MACROD2: variants seen among roughly 807,000 people sequenced by gnomAD.
The protein encoded by MACROD2 is ADP-ribose glycohydrolase MACROD2.
MACROD2 carries 36 observed loss-of-function variants against 70.4 expected under a neutral mutation model. That is an observed-to-expected ratio of 0.51 (90% CI 0.39 to 0.68). The LOEUF (loss-of-function observed/expected upper bound fraction) is 0.68, where lower values mean the gene tolerates loss of function less well. MACROD2 is among the 30% of genes least tolerant of loss of function. The probability of loss-of-function intolerance (pLI) is 0.00; values close to 1 mark genes in which losing one functional copy is unlikely to be tolerated. For missense variants in MACROD2, 496 were observed against 538.4 expected (o/e 0.92, Z 0.78); for synonymous variants, 172 against 178.8 (o/e 0.96, Z 0.30).
chr20:14,793,181 T>TTG lies in MACROD2; in HGVS notation c.418+108238_418+108239dup, dbSNP rs143506356. Reference sequence around the variant, plus strand: ...ATCTTCTACTCTGTCTTCCCTGTACTTGTGTGTGTGTGTGTGTAAAGTGGG... The same window carrying TTG: ...ATCTTCTACTCTGTCTTCCCTGTACTTGTGTGTGTGTGTGTGTGTAAAGTGGG... On this transcript the variant is annotated intron_variant, in intron 5 of 17. Coordinates refer to ENST00000684519, the MANE Select transcript of MACROD2 (RefSeq NM_001351661.2). 2.2e-3 allele frequency among the ~76,000 whole-genome samples: 335 copies of TTG among 151,042 alleles called. 2 individuals carry two copies. The highest frequency in any genetic ancestry group is 6.2e-3 in the African/African-American group (256 of 41,252).
intron 4 of MACROD2, among the ~76,000 whole-genome samples, chr20:14,634,547 C>A (rs556139234): frequency 8.1e-6 from 1 of 123,812 alleles, no homozygotes; most frequent in Non-Finnish European, 1.6e-5. Flanking sequence ...TCCCTCCCCC[C>A]GCCCAACTGG....
rs904251168 is a variant in MACROD2 at position 16,052,123 on chromosome 20, A to G, written c.*2247A>G. The G allele has an allele frequency of 6.6e-6, 1 of 152,182 alleles. No homozygotes were observed. The highest frequency in any genetic ancestry group is 2.4e-5 in the African/African-American group (1 of 41,436). The allele number at this position is 152,182 out of a possible 1,614,324, so 9.4% of individuals were successfully genotyped here. A position where few individuals can be genotyped will look rare whatever the true frequency, so the allele number is the denominator to read the frequency against. On this transcript the variant is annotated 3_prime_UTR_variant, in exon 18 of 18. Transcript: ENST00000684519. ...TAAATATCTTCAGCCCGACTCCTGA[A>G]TTTGTTTATTCTTCCATCTATAATT... is the stretch of plus-strand genomic sequence containing the variant.
intron 4 of MACROD2, among the ~76,000 whole-genome samples, chr20:14,580,993 A>G (rs560692840): frequency 1.1e-4 from 17 of 152,316 alleles, no homozygotes; most frequent in Middle Eastern, 3.4e-3. Context: ...GTCCACTGTG[A>G]GAATATAAAA....
chr20:14,104,102 C>G (rs2054337043), intron 3 of MACROD2, among the ~76,000 whole-genome samples: 1 of 152,126 alleles, frequency 6.6e-6, no homozygotes, highest in South Asian at 2.1e-4. Context: ...ATTTATATCT[C>G]AAGGTGTAAG....
chr20:14,467,720 T>A (rs1568626050), intron 3 of MACROD2, among the ~76,000 whole-genome samples: 1 of 152,148 alleles, frequency 6.6e-6, no homozygotes. Flanking sequence ...TGATTTTAGA[T>A]CTTTCCAGCA....
At chr20:14,886,396 G>T (rs1220668210) in intron 5 of MACROD2, among the ~76,000 whole-genome samples, 1 of 152,174 alleles carries the variant, frequency 6.6e-6, no homozygotes, top group Middle Eastern at 3.2e-3. Flanking sequence ...AGAAAGTCCT[G>T]TTGGTTGCTG....
chr20:14,903,867 C>T (rs2073927159), intron 5 of MACROD2, among the ~76,000 whole-genome samples: 1 of 152,146 alleles, frequency 6.6e-6, no homozygotes, highest in Non-Finnish European at 1.5e-5. Flanking sequence ...GTTCATCTCA[C>T]TGAAGGGGTT....
chr20:15,021,121 C>CACACAT (rs368283801), intron 5 of MACROD2, among the ~76,000 whole-genome samples: 3 of 102,140 alleles, frequency 2.9e-5, no homozygotes, highest in African/African-American at 1.3e-4. Context: ...TGTGTATACA[C>CACACAT]GTGTGTATAC....
At chr20:14,862,642 AATATATATATATAAAT>A (rs1317612933) in intron 5 of MACROD2, among the ~76,000 whole-genome samples, 133 of 8,132 alleles carry the variant, frequency 0.016, no homozygotes, top group Non-Finnish European at 0.024. Flanking sequence ...TATATATATA[AATATATATATATAAAT>A]ATATATATAA....
intron 5 of MACROD2, among the ~76,000 whole-genome samples, chr20:14,871,904 A>G (rs2073492583): frequency 6.6e-6 from 1 of 152,154 alleles, no homozygotes; most frequent in Admixed American, 6.5e-5. Flanking sequence ...TTAAACCAAC[A>G]AAGATTAAAA....
intron 5 of MACROD2, among the ~76,000 whole-genome samples, chr20:15,148,118 G>C (rs465330): frequency 6.6e-6 from 1 of 151,012 alleles, no homozygotes; most frequent in African/African-American, 2.4e-5. Flanking sequence ...GAAAATTTTT[G>C]GGGGGTGGTA....
intron 8 of MACROD2, among the ~76,000 whole-genome samples, chr20:15,729,673 G>A (rs1490730443): frequency 6.6e-6 from 1 of 151,752 alleles, no homozygotes; most frequent in Non-Finnish European, 1.5e-5. Context: ...GATTGTTCTT[G>A]GTTTAAAGTC....
At chr20:14,604,149 A>ACC (rs1982658151) in intron 4 of MACROD2, among the ~76,000 whole-genome samples, 1 of 152,184 alleles carries the variant, frequency 6.6e-6, no homozygotes, top group South Asian at 2.1e-4. Flanking sequence ...ATATACCAGA[A>ACC]CAGCAGGAAG....
chr20:14,096,608 A>G (rs1312337364), intron 3 of MACROD2, among the ~76,000 whole-genome samples: 1 of 152,110 alleles, frequency 6.6e-6, no homozygotes, highest in Non-Finnish European at 1.5e-5. Flanking sequence ...GCCTAAAGTG[A>G]TCTGCCCATC....
At chr20:15,542,882 A>G (rs1338341681) in intron 8 of MACROD2, among the ~76,000 whole-genome samples, 1 of 152,158 alleles carries the variant, frequency 6.6e-6, no homozygotes, top group Non-Finnish European at 1.5e-5. Flanking sequence ...ATCCTTGTCC[A>G]CGTCCTACGC....
At chr20:15,524,481 CT>C (rs35117012) in intron 8 of MACROD2, among the ~76,000 whole-genome samples, 1 of 152,064 alleles carries the variant, frequency 6.6e-6, no homozygotes, top group Admixed American at 6.6e-5. Context: ...AATTTTAAAA[CT>C]TTTTTAAACA....
At chr20:14,777,607 A>G (rs1040058380) in intron 5 of MACROD2, among the ~76,000 whole-genome samples, 1 of 152,126 alleles carries the variant, frequency 6.6e-6, no homozygotes, top group Non-Finnish European at 1.5e-5. Flanking sequence ...GAAGAAGCAT[A>G]TTAGATAACA....
intron 10 of MACROD2, among the ~76,000 whole-genome samples, chr20:15,898,160 A>C (rs1427543886): frequency 6.6e-6 from 1 of 152,134 alleles, no homozygotes; most frequent in African/African-American, 2.4e-5. Context: ...ATCTCCCACT[A>C]TATTTATGAC....
At chr20:14,950,143 G>A (rs1364367428) in intron 5 of MACROD2, among the ~76,000 whole-genome samples, 1 of 152,050 alleles carries the variant, frequency 6.6e-6, no homozygotes, top group Non-Finnish European at 1.5e-5. Context: ...TCTTGAAAAC[G>A]TGGGGCCAGG....
Sources: allele counts gnomAD v4.1 joint callset (sites outside exome capture counted in the v4.1 genomes callset), GRCh38; gene constraint gnomAD v4.1.1; transcripts MANE v1.5; gene names NCBI Gene and HGNC (gene_info 2026-07-23, HGNC 2026-07-21).